ZNF143: variants seen among roughly 807,000 people sequenced by gnomAD.
ZNF143 encodes SPH-binding factor.
ZNF143 carries 49 observed loss-of-function variants against 74.1 expected under a neutral mutation model. That is an observed-to-expected ratio of 0.66 (90% CI 0.53 to 0.84). ZNF143 has a LOEUF of 0.84. Among genes scored for constraint, ZNF143 ranks in the 40% least tolerant of loss-of-function variants. ZNF143 has a pLI of 0.00. For synonymous variants in ZNF143, 304 were observed against 282.8 expected, an observed-to-expected ratio of 1.07 and a Z score of -0.75; for missense variants, 637 against 793.4, an observed-to-expected ratio of 0.80 and a Z score of 2.37.
intron 14 of ZNF143, among the ~76,000 whole-genome samples, chr11:9,519,213 C>G (rs1019858122): frequency 8.0e-6 from 1 of 125,444 alleles, no homozygotes; most frequent in African/African-American, 2.8e-5. Context: ...TTAGTTTTGC[C>G]TATTTTTTTT....
intron 7 of ZNF143, among the ~76,000 whole-genome samples, chr11:9,488,603 G>A (rs567485466): frequency 6.6e-6 from 1 of 152,078 alleles, no homozygotes; most frequent in Non-Finnish European, 1.5e-5. Flanking sequence ...TTTGCATTTT[G>A]CCCTGTTAGA....
intron 8 of ZNF143, 133 bp downstream of exon 8, chr11:9,494,898 A>C: frequency 1.1e-6 from 1 of 918,060 alleles, no homozygotes; most frequent in South Asian, 1.8e-5. Flanking sequence ...GGTCACACTC[A>C]TACACAGACA....
intron 3 of ZNF143, among the ~76,000 whole-genome samples, 200 bp downstream of exon 3, chr11:9,472,969 C>A (rs1009418645): frequency 1.8e-4 from 27 of 149,316 alleles, no homozygotes; most frequent in Admixed American, 1.6e-3. Context: ...TTGGAAGATA[C>A]CCTGGGATAT....
chr11:9,476,746 C>CTTTTTTTTTT lies in ZNF143; in HGVS notation c.374-1622_374-1613dup, dbSNP rs869069237. 5.0e-3 allele frequency among the ~76,000 whole-genome samples: 173 copies of CTTTTTTTTTT among 34,852 alleles called. 54 individuals carry two copies. Among genetic ancestry groups the CTTTTTTTTTT allele is most frequent in the South Asian group, 0.012 (5 of 420 alleles). 22.9% of individuals were successfully genotyped at this position (34,852 alleles called of 152,430 possible). A position where few individuals can be genotyped will look rare whatever the true frequency, so the allele number is the denominator to read the frequency against. ...TTGTTGTGAAGCCAAAGGGAGGAAT[C>CTTTTTTTTTT]TTTTTTTTTTTTTTTTTTTTTTTTT... On this transcript the variant is annotated intron_variant, in intron 5 of 15. Coordinates refer to ENST00000396602, the MANE Select transcript of ZNF143 (RefSeq NM_003442.6).
intron 12 of ZNF143, 108 bp from the exon 13 acceptor site, chr11:9,512,340 A>C: frequency 7.1e-6 from 10 of 1,400,260 alleles, no homozygotes; most frequent in Non-Finnish European, 9.6e-6. Flanking sequence ...TTAGAATATA[A>C]TACATGTACA....
intron 7 of ZNF143, among the ~76,000 whole-genome samples, chr11:9,494,099 T>C (rs1323011726): frequency 6.6e-6 from 1 of 152,148 alleles, no homozygotes; most frequent in East Asian, 1.9e-4. Context: ...AATAGATCTG[T>C]GAGCTCCAGC....
In ZNF143 at chr11:9,515,579, G is replaced by A. The variant is rs566711997; in HGVS notation, c.1525-622G>A. 1.1e-4 allele frequency among the ~76,000 whole-genome samples: 16 copies of A among 151,716 alleles called. No individual in the cohort carries two copies. In the South Asian group the frequency reaches 3.1e-3, roughly 30 times the overall value. ...TGAGGCAGGACAGTGGCATGAACCC[G>A]GGAGGCGGAGCTTCCAGTAAGCAGA... On this transcript the variant is annotated intron_variant, in intron 13 of 15. Transcript: ENST00000396602.
At chr11:9,520,588 C>T (rs765078357) in intron 14 of ZNF143, among the ~76,000 whole-genome samples, 66 of 151,934 alleles carry the variant, frequency 4.3e-4, no homozygotes, top group Non-Finnish European at 8.1e-4. Flanking sequence ...GTCAGGAGTT[C>T]GAGACCAGCC....
chr11:9,487,615 C>G (rs982708580), intron 7 of ZNF143, among the ~76,000 whole-genome samples: 1 of 152,160 alleles, frequency 6.6e-6, no homozygotes, highest in Admixed American at 6.5e-5. Flanking sequence ...CCTCGGCCTC[C>G]CAGAGTGCTG....
rs1433629940 is a variant in ZNF143 at position 9,505,061 on chromosome 11, C to T, written c.1148-3558C>T. On this transcript the variant is annotated intron_variant, in intron 11 of 15. Coordinates refer to ENST00000396602, the MANE Select transcript of ZNF143 (RefSeq NM_003442.6). ...CGATCTAGGCTCACTGCAACCTCCG[C>T]CTCCTGGGTTCAAGTGATTCTCCTG... Among the ~76,000 whole-genome samples the T allele has an allele frequency of 1.3e-4, 16 of 119,088 alleles. 2 individuals carry two copies. Among genetic ancestry groups the T allele is most frequent in the African/African-American group, 4.3e-4 (16 of 37,380 alleles). 78.1% of individuals were successfully genotyped at this position (119,088 alleles called of 152,430 possible). A position where few individuals can be genotyped will look rare whatever the true frequency, so the allele number is the denominator to read the frequency against.
At position 9,477,159 on chromosome 11, in the gene ZNF143, CT is replaced by C. The variant is rs1565029211; in HGVS notation, c.374-1229del. Among the ~76,000 whole-genome samples the C allele has an allele frequency of 8.3e-3, 1,181 of 141,474 alleles. 40 individuals carry two copies. Among genetic ancestry groups the C allele is most frequent in the African/African-American group, 0.031 (1,131 of 36,744 alleles). The allele number at this position is 141,474 out of a possible 152,430, so 92.8% of individuals were successfully genotyped here. ...CCTTCCTTCCTTCCTTCCTTCCTTCCTTCCTTCCTTCCTCCTCTCCCTTCCC... is the reference window on the plus strand; with the variant it reads ...CCTTCCTTCCTTCCTTCCTTCCTTCCTCCTTCCTTCCTCCTCTCCCTTCCC... On this transcript the variant is annotated intron_variant, in intron 5 of 15. Transcript: ENST00000396602.
At chr11:9,507,206 T>TA (rs1287630298) in intron 11 of ZNF143, among the ~76,000 whole-genome samples, 2 of 152,202 alleles carry the variant, frequency 1.3e-5, no homozygotes, top group African/African-American at 4.8e-5. Context: ...AAGGTGCAGT[T>TA]ACCCAAGGAA....
At chr11:9,490,908 C>A (rs1479489959) in intron 7 of ZNF143, among the ~76,000 whole-genome samples, 2 of 151,986 alleles carry the variant, frequency 1.3e-5, no homozygotes, top group African/African-American at 4.8e-5. Context: ...ATTTTTTTAT[C>A]TTTTGCAGAG....
intron 7 of ZNF143, among the ~76,000 whole-genome samples, chr11:9,493,102 ACT>A (rs2134035345): frequency 7.2e-6 from 1 of 139,096 alleles, no homozygotes; most frequent in African/African-American, 2.7e-5. Context: ...ACGGATTCTC[ACT>A]CTGTCTCCAG....
At chr11:9,501,674 A>T (rs944027171) in intron 11 of ZNF143, among the ~76,000 whole-genome samples, 2 of 152,168 alleles carry the variant, frequency 1.3e-5, no homozygotes, top group African/African-American at 2.4e-5. Flanking sequence ...CTCAATCCTG[A>T]AGTTTGCCAC....
chr11:9,477,578 A>C (rs1857012682), intron 5 of ZNF143, among the ~76,000 whole-genome samples: 1 of 152,018 alleles, frequency 6.6e-6, no homozygotes, highest in Admixed American at 6.6e-5. Flanking sequence ...TATCAATAAG[A>C]GTTAGTCACA....
intron 1 of ZNF143, among the ~76,000 whole-genome samples, chr11:9,467,237 GTTT>G (rs10709761): frequency 1.9e-4 from 24 of 127,300 alleles, no homozygotes; most frequent in Middle Eastern, 4.0e-3. Context: ...AAAGGAAAGT[GTTT>G]TTTTTTTTTT....
intron 13 of ZNF143, among the ~76,000 whole-genome samples, chr11:9,514,075 T>A (rs983689318): frequency 6.6e-6 from 1 of 152,080 alleles, no homozygotes; most frequent in Non-Finnish European, 1.5e-5. Context: ...AAAACATGTT[T>A]TTTTCAGAGG....
At chr11:9,463,865 T>G (rs1856019399) in intron 1 of ZNF143, 1 of 152,188 alleles carries the variant, frequency 6.6e-6, no homozygotes, top group Admixed American at 6.5e-5. Flanking sequence ...GTTCCATTTC[T>G]GGAAGGTAAG....
Sources: gnomAD v4.1 joint callset for allele counts (sites outside exome capture counted in the v4.1 genomes callset) on GRCh38, gnomAD v4.1.1 for gene constraint, MANE v1.5 for transcripts, NCBI Gene and HGNC (gene_info 2026-07-23, HGNC 2026-07-21) for gene names.